The following MELK variants were observed in gnomAD, a reference collection of about 807,000 sequenced individuals.
The protein encoded by MELK is maternal embryonic leucine zipper kinase.
A neutral mutation model predicts 85.0 loss-of-function variants in MELK; 81 were observed. The observed-to-expected ratio is 0.95, with a 90% CI of 0.80 to 1.15. The LOEUF is 1.15. MELK is among the 50% of genes most tolerant of loss of function. The pLI, the probability that MELK is intolerant of heterozygous loss-of-function variation, is 0.00. For synonymous variants in MELK, 252 were observed against 265.0 expected, an observed-to-expected ratio of 0.95 and a Z score of 0.48; for missense variants, 754 against 777.5, an observed-to-expected ratio of 0.97 and a Z score of 0.36.
chr9:36,593,843 C>T (rs899974945), intron 4 of MELK, among the ~76,000 whole-genome samples: 2 of 152,168 alleles, frequency 1.3e-5, no homozygotes, highest in Admixed American at 6.6e-5. Context: ...AGGCGCCCGC[C>T]ACCACGCCTG....
intron 10 of MELK, among the ~76,000 whole-genome samples, chr9:36,642,418 CTTTTTTTTTTTTTTT>C (rs34671966): frequency 7.1e-5 from 6 of 84,774 alleles, no homozygotes; most frequent in African/African-American, 1.0e-4. Flanking sequence ...TACAACAGAA[CTTTTTTTTTTTTTTT>C]TTTTTTTTTT....
In MELK at chr9:36,625,708, G is replaced by A. The variant is rs557076290; in HGVS notation, c.667-4591G>A. On this transcript the variant is annotated intron_variant, in intron 8 of 17. Coordinates refer to ENST00000298048, the MANE Select transcript of MELK (RefSeq NM_014791.4). ...GGCTGAGGCGGGTGGATCACCTGAGGCCAGGAGTTCAAGACCAGCCTGGCC... is the reference window on the plus strand; with the variant it reads ...GGCTGAGGCGGGTGGATCACCTGAGACCAGGAGTTCAAGACCAGCCTGGCC... 6.0e-4 allele frequency among the ~76,000 whole-genome samples: 91 copies of A among 152,134 alleles called. 1 individual carries two copies. Among genetic ancestry groups the A allele is most frequent in the African/African-American group, 2.0e-3 (85 of 41,504 alleles).
intron 8 of MELK, among the ~76,000 whole-genome samples, chr9:36,627,185 T>A (rs1828025660): frequency 6.6e-6 from 1 of 152,090 alleles, no homozygotes; most frequent in Non-Finnish European, 1.5e-5. Flanking sequence ...TCTTATGAAC[T>A]GTCTAGGATA....
chr9:36,601,579 CACATA>C (rs571323021), intron 7 of MELK, among the ~76,000 whole-genome samples: 163 of 152,254 alleles, frequency 1.1e-3, no homozygotes, highest in Admixed American at 2.3e-3. Flanking sequence ...TGGTAAAATA[CACATA>C]ACATAAAATT....
chr9:36,625,220 G>A (rs1462279023), intron 8 of MELK, among the ~76,000 whole-genome samples: 2 of 152,048 alleles, frequency 1.3e-5, no homozygotes. Context: ...GGCAGCTCAC[G>A]GCCTTTTGAT....
At chr9:36,643,718 A>C (rs1452697697) in intron 11 of MELK, among the ~76,000 whole-genome samples, 1 of 152,148 alleles carries the variant, frequency 6.6e-6, no homozygotes, top group Non-Finnish European at 1.5e-5. Flanking sequence ...GCGGATCACG[A>C]GGTCAGGAGA....
chr9:36,629,294 G>T (rs1416468969), intron 8 of MELK, among the ~76,000 whole-genome samples: 3 of 152,330 alleles, frequency 2.0e-5, no homozygotes, highest in Middle Eastern at 3.4e-3. Flanking sequence ...TTTCTGCTGT[G>T]AGAAACTGTT....
chr9:36,580,279 C>T (rs10972981), intron 1 of MELK, among the ~76,000 whole-genome samples: 3 of 152,060 alleles, frequency 2.0e-5, no homozygotes, highest in South Asian at 2.1e-4. Flanking sequence ...CCACCCGCCT[C>T]GGCCTCCCAA....
At chr9:36,635,715 G>A (rs6476567) in intron 10 of MELK, among the ~76,000 whole-genome samples, 2,910 of 151,650 alleles carry the variant, frequency 0.019, 80 homozygotes, top group African/African-American at 0.063. Context: ...ATGCGTATAT[G>A]TAAAAAAACA....
At chr9:36,597,164 G>T (rs1471622940) in intron 5 of MELK, 58 bp from the exon 6 acceptor site, 5 of 1,433,422 alleles carry the variant, frequency 3.5e-6, no homozygotes, top group East Asian at 2.3e-5. Context: ...ATGGCTAGAG[G>T]TGGGATGTGA....
chr9:36,646,133 CAACA>C (rs1423690225), intron 11 of MELK, among the ~76,000 whole-genome samples: 3 of 152,148 alleles, frequency 2.0e-5, no homozygotes, highest in African/African-American at 7.2e-5. Context: ...GAGCCCCTCA[CAACA>C]AACAGTTATC....
chr9:36,666,906 T>TGTGTGA (rs1294435206), intron 14 of MELK, among the ~76,000 whole-genome samples: 9 of 124,802 alleles, frequency 7.2e-5, no homozygotes, highest in African/African-American at 2.4e-4. Flanking sequence ...TGTGTGTGTG[T>TGTGTGA]GATGGTGTGT....
intron 7 of MELK, among the ~76,000 whole-genome samples, chr9:36,606,142 G>A (rs895791723): frequency 2.0e-5 from 3 of 151,570 alleles, no homozygotes; most frequent in Non-Finnish European, 2.9e-5. Context: ...TTTGAGATTT[G>A]TAGGACTATT....
At chr9:36,650,418 G>A (rs1167958506) in intron 11 of MELK, among the ~76,000 whole-genome samples, 1 of 152,080 alleles carries the variant, frequency 6.6e-6, no homozygotes, top group African/African-American at 2.4e-5. Context: ...ATAAGATTCA[G>A]GAAGTTTTCA....
In MELK at chr9:36,669,358, C is replaced by T; in HGVS notation, c.1457C>T (p.Ser486Leu). Residue 486 changes from serine (S) to leucine (L), a missense_variant, in exon 15 of 18, where the codon TCA becomes TTA. Ser to Leu is a moderately radical substitution (Grantham distance 145). Transcript: ENST00000298048. ...KETPIKIPVN[S>L]TGTDKLMTGV... ...ACTCCAATTAAAATACCAGTAAATT[C>T]AACAGGAACAGACAAGTTAATGACA... 1 of 1,608,612 alleles carries T rather than the reference C, an allele frequency of 6.2e-7. No homozygotes were observed. The highest frequency in any genetic ancestry group is 8.5e-7 in the Non-Finnish European group (1 of 1,178,014).
At chr9:36,598,521 G>T (rs766399200) in intron 6 of MELK, among the ~76,000 whole-genome samples, 1 of 152,076 alleles carries the variant, frequency 6.6e-6, no homozygotes, top group Non-Finnish European at 1.5e-5. Flanking sequence ...TTATGTCTTG[G>T]TATTTCTGTG....
intron 12 of MELK, among the ~76,000 whole-genome samples, chr9:36,656,786 A>G (rs761214091): frequency 1.3e-5 from 2 of 152,028 alleles, no homozygotes; most frequent in Non-Finnish European, 2.9e-5. Context: ...TGCCTGGCTA[A>G]TTTCTATTTT....
At chr9:36,577,727 C>G (rs889737178) in intron 1 of MELK, among the ~76,000 whole-genome samples, 16 of 152,218 alleles carry the variant, frequency 1.1e-4, no homozygotes, top group Admixed American at 9.8e-4. Context: ...TCTCGGCTCA[C>G]CGCAACCTCT....
chr9:36,673,953 A>G (rs2138218181), intron 16 of MELK, among the ~76,000 whole-genome samples: 1 of 152,238 alleles, frequency 6.6e-6, no homozygotes, highest in Middle Eastern at 3.4e-3. Context: ...TACCTTGTCT[A>G]TCTTGTATCA....
Sources: allele counts gnomAD v4.1 joint callset (sites outside exome capture counted in the v4.1 genomes callset), GRCh38; gene constraint gnomAD v4.1.1; transcripts MANE v1.5; gene names NCBI Gene and HGNC (gene_info 2026-07-23, HGNC 2026-07-21).